The following DIAPH3 variants were observed in gnomAD, a reference collection of about 807,000 sequenced individuals.
DIAPH3 encodes the protein protein diaphanous homolog 3.
A neutral mutation model predicts 144.3 loss-of-function variants in DIAPH3; 117 were observed. That is an observed-to-expected ratio of 0.81 (90% CI 0.70 to 0.95). DIAPH3 has a LOEUF of 0.95. DIAPH3 is among the 40% of genes least tolerant of loss of function. DIAPH3 has a pLI of 0.00. For synonymous variants in DIAPH3, 519 were observed against 488.9 expected (o/e 1.06, Z -0.81); for missense variants, 1,421 against 1,412.7 (o/e 1.01, Z -0.09).
At chr13:60,130,472 G>A (rs2059110848) in intron 2 of DIAPH3, among the ~76,000 whole-genome samples, 1 of 152,134 alleles carries the variant, frequency 6.6e-6, no homozygotes, top group African/African-American at 2.4e-5. Context: ...GAAAGCAGGG[G>A]CAAGGCAATC....
chr13:59,857,138 G>A (rs953219527), intron 22 of DIAPH3, among the ~76,000 whole-genome samples: 4 of 152,076 alleles, frequency 2.6e-5, no homozygotes, highest in African/African-American at 9.7e-5. Flanking sequence ...CTAACAAATT[G>A]TAACTGGCAT....
intron 5 of DIAPH3, among the ~76,000 whole-genome samples, chr13:60,023,138 T>C (rs1237749340): frequency 6.6e-6 from 1 of 152,184 alleles, no homozygotes; most frequent in Non-Finnish European, 1.5e-5. Flanking sequence ...TTCTTTAAGT[T>C]TGTGGTAAAA....
Position 60,090,380 on chromosome 13 carries a change from T to C in DIAPH3, c.495+3248A>G, listed in dbSNP as rs1439526227. ...CTAGTTTGATTGGTGGCTTTTTTTT[T>C]TAATTCTAAAAACCAACCTTATCTA... On this transcript the variant is annotated intron_variant, in intron 4 of 27. Transcript: ENST00000400324. Among the ~76,000 whole-genome samples the C allele has an allele frequency of 2.6e-5, 4 of 152,240 alleles. No individual in the cohort carries two copies. The East Asian group carries it at 5.8e-4, about 22-fold the overall frequency.
At chr13:59,898,203 T>C (rs1001706043) in intron 20 of DIAPH3, among the ~76,000 whole-genome samples, 3 of 142,670 alleles carry the variant, frequency 2.1e-5, no homozygotes, top group African/African-American at 5.2e-5. Flanking sequence ...GCAGCTAACA[T>C]AATTGGGCAT....
intron 27 of DIAPH3, among the ~76,000 whole-genome samples, chr13:59,703,334 C>T (rs1317732630): frequency 1.3e-5 from 2 of 152,140 alleles, no homozygotes; most frequent in Non-Finnish European, 2.9e-5. Flanking sequence ...TTAAAATTAA[C>T]TTCATCTGTT....
At position 59,924,787 on chromosome 13, in the gene DIAPH3, C is replaced by A; in HGVS notation, c.2158G>T (p.Ala720Ser). Reference protein sequence around the residue: ...KELKFLDSKIAQNLSIFLSSF... With the variant: ...KELKFLDSKISQNLSIFLSSF... ...ATATGATACTTACAAAGGTTCTGGG[C>A]AATTTTAGAATCTAAAAACTTAAGT... The change falls in exon 18 of 28, where the codon GCC becomes TCC. Residue 720 changes from alanine (A) to serine (S), a missense_variant. Ala to Ser is a moderately conservative substitution (Grantham distance 99, BLOSUM62 1). Coordinates refer to ENST00000400324, the MANE Select transcript of DIAPH3 (RefSeq NM_001042517.2). 1.9e-6 allele frequency: 3 copies of A among 1,601,176 alleles called. No homozygotes were observed. Among genetic ancestry groups the A allele is most frequent in the Non-Finnish European group, 1.7e-6 (2 of 1,171,176 alleles).
At chr13:59,925,001 AT>A in intron 17 of DIAPH3, 131 bp from the exon 18 acceptor site, 5 of 1,422,266 alleles carry the variant, frequency 3.5e-6, no homozygotes, top group Non-Finnish European at 4.6e-6. Flanking sequence ...ATAAAAACAA[AT>A]AAAACGATAG....
intron 25 of DIAPH3, among the ~76,000 whole-genome samples, chr13:59,800,790 G>A (rs970663008): frequency 2.6e-5 from 4 of 152,168 alleles, no homozygotes; most frequent in South Asian, 2.1e-4. Context: ...TATTTCCAAC[G>A]ATCATAAACA....
intron 7 of DIAPH3, among the ~76,000 whole-genome samples, chr13:60,012,416 C>T (rs925528779): frequency 2.0e-5 from 3 of 152,154 alleles, no homozygotes; most frequent in African/African-American, 7.2e-5. Flanking sequence ...ATAGCCTGGG[C>T]TATTACCTAA....
intron 4 of DIAPH3, among the ~76,000 whole-genome samples, chr13:60,075,886 T>A (rs1485570116): frequency 6.6e-6 from 1 of 152,228 alleles, no homozygotes; most frequent in Non-Finnish European, 1.5e-5. Context: ...GTTGACCGTA[T>A]CTTCCATGGA....
intron 17 of DIAPH3, among the ~76,000 whole-genome samples, chr13:59,939,835 C>CGTGCGTGTGTGT (rs1555338414): frequency 6.8e-6 from 1 of 146,652 alleles, no homozygotes; most frequent in Non-Finnish European, 1.5e-5. Context: ...GAGAATGAGG[C>CGTGCGTGTGTGT]GTGTGTGTGT....
chr13:60,135,559 A>T (rs1006752262), intron 1 of DIAPH3, among the ~76,000 whole-genome samples: 4 of 152,180 alleles, frequency 2.6e-5, no homozygotes, highest in Admixed American at 1.3e-4. Context: ...CTTACCTATC[A>T]ATTCTCACCA....
At chr13:59,947,950 T>G (rs1301822229) in intron 17 of DIAPH3, among the ~76,000 whole-genome samples, 6 of 152,158 alleles carry the variant, frequency 3.9e-5, no homozygotes. Flanking sequence ...TTCTTTGCCA[T>G]AATGCAATAA....
At chr13:59,687,858 G>C (rs1332796175) in intron 27 of DIAPH3, among the ~76,000 whole-genome samples, 1 of 152,028 alleles carries the variant, frequency 6.6e-6, no homozygotes, top group East Asian at 1.9e-4. Context: ...AAATCCTATA[G>C]ATATTAACAA....
intron 25 of DIAPH3, among the ~76,000 whole-genome samples, chr13:59,797,815 C>T (rs933060863): frequency 6.6e-6 from 1 of 152,146 alleles, no homozygotes; most frequent in Non-Finnish European, 1.5e-5. Context: ...ATGAGCTAAA[C>T]ATGGTTTATT....
intron 27 of DIAPH3, among the ~76,000 whole-genome samples, chr13:59,759,811 T>C (rs1489421193): frequency 6.6e-6 from 1 of 151,908 alleles, no homozygotes; most frequent in Admixed American, 6.6e-5. Context: ...CCAGGTGTGG[T>C]GGTGTGTGCC....
At position 59,848,033 on chromosome 13, in the gene DIAPH3, C is replaced by T. The variant is rs185395438; in HGVS notation, c.2738-8585G>A. ...ATGCCGCACACATCTAACCATAGAG[C>T]GCATCTTGCTGGTTCTAACCTCAAA... On this transcript the variant is annotated intron_variant, in intron 22 of 27. Transcript: ENST00000400324. Among the ~76,000 whole-genome samples the T allele has an allele frequency of 3.3e-4, 51 of 152,266 alleles. No homozygotes were observed. The East Asian group carries it at 8.9e-3, about 27-fold the overall frequency.
At chr13:60,159,537 C>A (rs1172976335) in intron 1 of DIAPH3, among the ~76,000 whole-genome samples, 1 of 151,610 alleles carries the variant, frequency 6.6e-6, no homozygotes, top group African/African-American at 2.4e-5. Flanking sequence ...GGCAGGAGAA[C>A]TGCTTGAGCC....
chr13:59,861,207 C>A (rs575298929), intron 22 of DIAPH3, 200 bp downstream of exon 22: 2 of 1,470,602 alleles, frequency 1.4e-6, no homozygotes, highest in East Asian at 2.5e-5. Flanking sequence ...AAGGCCTCAT[C>A]ATCTAACTAA....
Sources: allele counts gnomAD v4.1 joint callset (sites outside exome capture counted in the v4.1 genomes callset), GRCh38; gene constraint gnomAD v4.1.1; transcripts MANE v1.5; gene names NCBI Gene and HGNC (gene_info 2026-07-23, HGNC 2026-07-21).